Variants in IL1RAPL2 observed in about 807,000 individuals in gnomAD.
IL1RAPL2 encodes the protein X-linked interleukin-1 receptor accessory protein-like 2.
In IL1RAPL2, 3 loss-of-function variants were observed where a neutral mutation model predicts 44.1. That is an observed-to-expected ratio of 0.07 (90% confidence interval 0.03 to 0.18). IL1RAPL2 has a LOEUF of 0.18. Among genes scored for constraint, IL1RAPL2 ranks in the 10% least tolerant of loss-of-function variants. The pLI, the probability that IL1RAPL2 is intolerant of heterozygous loss-of-function variation, is 1.00. For synonymous variants in IL1RAPL2, 181 were observed against 178.8 expected (o/e 1.01, Z -0.10); for missense variants, 391 against 496.4 (o/e 0.79, Z 2.02).
chrX:104,660,947 T>TACAC (rs773390188), intron 2 of IL1RAPL2, among the ~76,000 whole-genome samples: 90 of 92,323 alleles, frequency 9.7e-4, no homozygotes, highest in Non-Finnish European at 1.6e-3. Context: ...TATATATATA[T>TACAC]ACACACACAC....
chrX:105,260,614 G>A (rs192724546), intron 4 of IL1RAPL2, among the ~76,000 whole-genome samples: 192 of 111,948 alleles, frequency 1.7e-3, no homozygotes, highest in African/African-American at 5.1e-3. Flanking sequence ...TACCAGCAGG[G>A]GTGGCTGCAG....
intron 6 of IL1RAPL2, among the ~76,000 whole-genome samples, chrX:105,649,585 AT>A (rs749513060): frequency 8.9e-6 from 1 of 111,954 alleles, no homozygotes; most frequent in East Asian, 2.8e-4. Context: ...CCAGGCTCAA[AT>A]CACAATGTAG....
intron 5 of IL1RAPL2, among the ~76,000 whole-genome samples, chrX:105,480,851 T>C (rs1219388374): frequency 8.9e-6 from 1 of 112,271 alleles, no homozygotes; most frequent in Non-Finnish European, 1.9e-5. Flanking sequence ...GGGCTGGTGG[T>C]CAGGATCCAA....
intron 5 of IL1RAPL2, among the ~76,000 whole-genome samples, chrX:105,384,942 A>G (rs2035465352): frequency 9.0e-6 from 1 of 111,383 alleles, no homozygotes; most frequent in Non-Finnish European, 1.9e-5. Flanking sequence ...CTGAATTTGT[A>G]TGTTGATTTT....
intron 2 of IL1RAPL2, among the ~76,000 whole-genome samples, chrX:104,891,336 A>G (rs1201060921): frequency 8.9e-6 from 1 of 112,027 alleles, no homozygotes; most frequent in Non-Finnish European, 1.9e-5. Context: ...TTTTGTGAAG[A>G]AAGTCATTGG....
chrX:104,665,851 G>A (rs750214335), intron 2 of IL1RAPL2, among the ~76,000 whole-genome samples: 3 of 111,240 alleles, frequency 2.7e-5, no homozygotes, highest in Non-Finnish European at 5.7e-5. Context: ...AATGCTGCGA[G>A]GAGTGCCCTA....
intron 10 of IL1RAPL2, among the ~76,000 whole-genome samples, chrX:105,761,217 CTA>C (rs1480826300): frequency 6.9e-5 from 6 of 86,624 alleles, no homozygotes; most frequent in South Asian, 1.2e-3. Context: ...AAAACTCTTC[CTA>C]TACACACACA....
At chrX:104,899,106 A>C (rs988978097) in intron 2 of IL1RAPL2, among the ~76,000 whole-genome samples, 4 of 111,980 alleles carry the variant, frequency 3.6e-5, no homozygotes, top group Non-Finnish European at 7.5e-5. Flanking sequence ...CCTGAGCCAT[A>C]CATTTTACAT....
chrX:105,479,790 TAAATA>T (rs946000506), intron 5 of IL1RAPL2, among the ~76,000 whole-genome samples: 12 of 108,915 alleles, frequency 1.1e-4, no homozygotes, highest in Admixed American at 1.1e-3. Context: ...AAATATAAAA[TAAATA>T]AAATAAAATA....
At chrX:105,250,694 T>G (rs1297572664) in intron 4 of IL1RAPL2, among the ~76,000 whole-genome samples, 2 of 111,082 alleles carry the variant, frequency 1.8e-5, no homozygotes, top group Non-Finnish European at 3.8e-5. Flanking sequence ...AGTAATGCAA[T>G]TTGATAGAAT....
At chrX:105,590,559 T>C (rs1178635988) in intron 6 of IL1RAPL2, among the ~76,000 whole-genome samples, 2 of 111,450 alleles carry the variant, frequency 1.8e-5, no homozygotes, top group Admixed American at 9.6e-5. Context: ...TGCCTAGTTT[T>C]TAAGATGAAG....
chrX:105,069,940 T>G (rs2032185065), intron 2 of IL1RAPL2, among the ~76,000 whole-genome samples: 1 of 112,165 alleles, frequency 8.9e-6, no homozygotes, highest in Non-Finnish European at 1.9e-5. Flanking sequence ...GTGAGAAAGA[T>G]CTCAGCACAG....
At chrX:104,957,731 G>T (rs1226270304) in intron 2 of IL1RAPL2, among the ~76,000 whole-genome samples, 1 of 111,333 alleles carries the variant, frequency 9.0e-6, no homozygotes, top group African/African-American at 3.3e-5. Context: ...ATTTCTTTAG[G>T]AATATCCAAG....
At chrX:104,895,937 A>T (rs1923630927) in intron 2 of IL1RAPL2, among the ~76,000 whole-genome samples, 1 of 111,837 alleles carries the variant, frequency 8.9e-6, no homozygotes, top group Non-Finnish European at 1.9e-5. Flanking sequence ...CATCTCCCAA[A>T]TAGACTCTTT....
chrX:105,030,759 G>GT (rs1214256949), intron 2 of IL1RAPL2, among the ~76,000 whole-genome samples: 5 of 111,706 alleles, frequency 4.5e-5, no homozygotes, highest in Non-Finnish European at 7.5e-5. Context: ...GAACTTTATA[G>GT]TTTTTTCCAA....
chrX:105,051,887 G>A (rs910249843), intron 2 of IL1RAPL2, among the ~76,000 whole-genome samples: 4 of 112,264 alleles, frequency 3.6e-5, no homozygotes, highest in Non-Finnish European at 7.5e-5. Context: ...ATGAGGAAAC[G>A]GAACTTAAGA....
intron 2 of IL1RAPL2, among the ~76,000 whole-genome samples, chrX:104,784,629 C>A (rs749287200): frequency 1.8e-5 from 2 of 109,918 alleles, no homozygotes; most frequent in African/African-American, 6.6e-5. Context: ...CACACATAAC[C>A]CTTCATGTAT....
chrX:104,601,200 A>C (rs1461486920), intron 1 of IL1RAPL2, among the ~76,000 whole-genome samples: 1 of 110,782 alleles, frequency 9.0e-6, no homozygotes, highest in Non-Finnish European at 1.9e-5. Flanking sequence ...ACATATGTAT[A>C]CATGTGCCAC....
chrX:104,631,683 GTTGT>G (rs1929653623), intron 1 of IL1RAPL2, among the ~76,000 whole-genome samples: 2 of 112,042 alleles, frequency 1.8e-5, no homozygotes, highest in South Asian at 7.5e-4. Flanking sequence ...TGTTGATGGG[GTTGT>G]TTGTTTTTTT....
Sources: allele counts gnomAD v4.1 joint callset (sites outside exome capture counted in the v4.1 genomes callset), GRCh38; gene constraint gnomAD v4.1.1; transcripts MANE v1.5; gene names NCBI Gene and HGNC (gene_info 2026-07-23, HGNC 2026-07-21).